NRG4: variants seen among roughly 807,000 people sequenced by gnomAD.
The protein encoded by NRG4 is pro-neuregulin-4, membrane-bound isoform.
Under a neutral mutation model 15.0 loss-of-function variants are expected in NRG4, and 10 were observed. The ratio of observed to expected loss-of-function variants is 0.67; its 90% CI spans 0.41 to 1.13. The LOEUF (loss-of-function observed/expected upper bound fraction) is 1.13, where lower values mean the gene tolerates loss of function less well. NRG4 is among the 50% of genes most tolerant of loss of function. NRG4 has a pLI of 0.00. For synonymous variants in NRG4, 41 were observed against 50.1 expected (o/e 0.82, Z 0.77); for missense variants, 139 against 140.2 (o/e 0.99, Z 0.04).
intron 5 of NRG4, among the ~76,000 whole-genome samples, chr15:76,021,204 T>C (rs1051609913): frequency 6.6e-6 from 1 of 152,214 alleles, no homozygotes; most frequent in East Asian, 1.9e-4. Context: ...CAACAAAGCC[T>C]TGATGACAGC....
intron 3 of NRG4, among the ~76,000 whole-genome samples, chr15:75,973,162 GCTCT>G (rs1318546140): frequency 4.6e-5 from 7 of 151,986 alleles, no homozygotes; most frequent in African/African-American, 9.7e-5. Context: ...TCATGATTTG[GCTCT>G]CTGTTTGTCT....
chr15:75,949,783 T>C (rs1297299050), intron 5 of NRG4, among the ~76,000 whole-genome samples: 1 of 152,230 alleles, frequency 6.6e-6, no homozygotes, highest in Non-Finnish European at 1.5e-5. Context: ...TGAATTCATG[T>C]TTTTGCATGT....
chr15:75,944,736 C>T (rs527972003), intron 5 of NRG4, among the ~76,000 whole-genome samples: 3 of 140,466 alleles, frequency 2.1e-5, no homozygotes, highest in Non-Finnish European at 4.6e-5. Flanking sequence ...CATATCTTGT[C>T]ACATTTAGTA....
chr15:75,987,348 C>T lies in NRG4; in HGVS notation c.104+21852G>A, dbSNP rs571114695. On this transcript the variant is annotated intron_variant, in intron 3 of 5. Coordinates refer to ENST00000394907, the MANE Select transcript of NRG4 (RefSeq NM_138573.4). ...AGGAAAATATAATAATTGGTATGAA[C>T]CAGCAACTTATTTCATGTTTTTCTA... 3.3e-5 allele frequency among the ~76,000 whole-genome samples: 5 copies of T among 152,238 alleles called. No individual in the cohort carries two copies. In the East Asian group the frequency reaches 9.6e-4, roughly 29 times the overall value.
At chr15:76,050,597 A>ATTTTTTTTTTTT (rs35228253) in intron 4 of NRG4, among the ~76,000 whole-genome samples, 2 of 108,954 alleles carry the variant, frequency 1.8e-5, no homozygotes, top group Non-Finnish European at 3.6e-5. Context: ...CGCTCGGCTA[A>ATTTTTTTTTTTT]TTTTTTTTTT....
At chr15:76,035,099 G>A (rs2035569538) in intron 5 of NRG4, among the ~76,000 whole-genome samples, 1 of 152,190 alleles carries the variant, frequency 6.6e-6, no homozygotes, top group Non-Finnish European at 1.5e-5. Flanking sequence ...TAAGTCTGGA[G>A]GTAGGTAGTC....
At chr15:76,049,005 C>T (rs1272602785) in intron 4 of NRG4, among the ~76,000 whole-genome samples, 2 of 150,396 alleles carry the variant, frequency 1.3e-5, no homozygotes, top group Non-Finnish European at 2.9e-5. Context: ...GATCACGCCA[C>T]TGTACTCCAG....
chr15:76,026,989 G>A (rs1264303675), intron 5 of NRG4, among the ~76,000 whole-genome samples: 2 of 152,136 alleles, frequency 1.3e-5, no homozygotes, highest in Non-Finnish European at 2.9e-5. Context: ...GGGCATGGTG[G>A]CGGGTGCCTG....
intron 1 of NRG4, among the ~76,000 whole-genome samples, chr15:76,057,606 T>C (rs1000733412): frequency 2.0e-5 from 3 of 152,130 alleles, no homozygotes; most frequent in African/African-American, 7.2e-5. Context: ...GGGGAGGTGC[T>C]GTGAAGTAAG....
chr15:76,023,198 G>A (rs969004174), intron 5 of NRG4, among the ~76,000 whole-genome samples: 1 of 138,308 alleles, frequency 7.2e-6, no homozygotes, highest in South Asian at 2.2e-4. Flanking sequence ...AAGGACCAAG[G>A]CAATGAATAA....
chr15:75,975,625 T>C (rs1567086135), intron 3 of NRG4, among the ~76,000 whole-genome samples: 2 of 152,224 alleles, frequency 1.3e-5, no homozygotes, highest in South Asian at 4.1e-4. Flanking sequence ...TTTGGCTAGA[T>C]ATGAAATTCT....
chr15:75,959,095 T>C, intron 4 of NRG4: 1 of 387,836 alleles, frequency 2.6e-6, no homozygotes, highest in South Asian at 1.9e-5. Flanking sequence ...GATCTTCCCA[T>C]CTCAGCCTCC....
intron 4 of NRG4, among the ~76,000 whole-genome samples, chr15:76,040,760 A>G (rs1401690450): frequency 6.6e-6 from 1 of 152,172 alleles, no homozygotes; most frequent in East Asian, 1.9e-4. Context: ...CCCTGTCTCT[A>G]CTAAAAATAT....
intron 3 of NRG4, among the ~76,000 whole-genome samples, chr15:75,983,113 T>G: frequency 6.6e-6 from 1 of 152,142 alleles, no homozygotes; most frequent in East Asian, 1.9e-4. Flanking sequence ...AAATCAAATG[T>G]TCTCAAGAGA....
At chr15:75,960,627 C>T (rs1227628467) in intron 4 of NRG4, among the ~76,000 whole-genome samples, 1 of 152,070 alleles carries the variant, frequency 6.6e-6, no homozygotes, top group East Asian at 1.9e-4. Flanking sequence ...TACAACATGG[C>T]GGCTGATTCT....
At chr15:75,939,927 C>G (rs1219610950), downstream of NRG4, 1 of 152,040 alleles carries the variant, frequency 6.6e-6, no homozygotes, top group African/African-American at 2.4e-5. Flanking sequence ...AGACACCATA[C>G]TTAGTGGTGA....
intron 1 of NRG4, among the ~76,000 whole-genome samples, chr15:76,059,392 C>T (rs2036239019): frequency 6.6e-6 from 1 of 152,230 alleles, no homozygotes; most frequent in African/African-American, 2.4e-5. Flanking sequence ...GCTCCCTCAC[C>T]GGGCGCCCCG....
At chr15:75,972,803 G>A (rs1248261443) in intron 3 of NRG4, among the ~76,000 whole-genome samples, 1 of 152,112 alleles carries the variant, frequency 6.6e-6, no homozygotes, top group African/African-American at 2.4e-5. Context: ...GTCAGGTAGG[G>A]GGATGCCTTC....
In NRG4 at chr15:76,009,310, T is replaced by A. The variant is rs202122875; in HGVS notation, c.11-17A>T. The A allele has an allele frequency of 8.5e-5, 113 of 1,325,288 alleles. No homozygotes were observed. The East Asian group carries it at 2.7e-3, about 32-fold the overall frequency. The allele number at this position is 1,325,288 out of a possible 1,614,324, so 82.1% of individuals were successfully genotyped here. ...CTTCGTGATCTAGAACACATACATA[T>A]ATAAAATAGAGAAAAGCAAATTAAA... On this transcript the variant is annotated splice_polypyrimidine_tract_variant and intron_variant, in intron 2 of 5. Transcript: ENST00000394907.
Sources: allele counts gnomAD v4.1 joint callset (sites outside exome capture counted in the v4.1 genomes callset), GRCh38; gene constraint gnomAD v4.1.1; transcripts MANE v1.5; gene names NCBI Gene and HGNC (gene_info 2026-07-23, HGNC 2026-07-21).